Variants in DCBLD2 observed in about 807,000 individuals in gnomAD.
DCBLD2 encodes the protein discoidin, CUB and LCCL domain-containing protein 2.
A neutral mutation model predicts 86.8 loss-of-function variants in DCBLD2; 54 were observed. The observed-to-expected ratio is 0.62, with a 90% CI of 0.50 to 0.78. The LOEUF is 0.78. Among genes scored for constraint, DCBLD2 ranks in the 30% least tolerant of loss-of-function variants. The probability of loss-of-function intolerance (pLI) is 0.00; values close to 1 mark genes in which losing one functional copy is unlikely to be tolerated. For missense variants in DCBLD2, 908 were observed against 954.2 expected (o/e 0.95, Z 0.64); for synonymous variants, 354 against 341.3 (o/e 1.04, Z -0.41).
intron 15 of DCBLD2, 21 bp from the exon 16 acceptor site, chr3:98,799,862 C>G: frequency 6.4e-7 from 1 of 1,562,222 alleles, no homozygotes; most frequent in South Asian, 1.2e-5. Context: ...CACAAAACAA[C>G]AGAAAAGTCA....
At chr3:98,822,895 G>C (rs1257868028) in intron 4 of DCBLD2, among the ~76,000 whole-genome samples, 154 bp from the exon 5 acceptor site, 3 of 151,896 alleles carry the variant, frequency 2.0e-5, no homozygotes, top group African/African-American at 7.3e-5. Context: ...TTTTTGACAC[G>C]GAGTTTCACT....
chr3:98,807,584 T>C (rs528143063), intron 13 of DCBLD2, among the ~76,000 whole-genome samples: 2 of 152,300 alleles, frequency 1.3e-5, no homozygotes, highest in South Asian at 2.1e-4. Flanking sequence ...ACCCAGGTTA[T>C]GGTATTTTCT....
At position 98,799,473 on chromosome 3, in the gene DCBLD2, G is replaced by A. The variant is rs1304387834; in HGVS notation, c.2227C>T (p.Pro743Ser). 6.2e-7 allele frequency: 1 copy of A among 1,614,026 alleles called. No homozygotes were observed. Among genetic ancestry groups the A allele is most frequent in the South Asian group, 1.1e-5 (1 of 91,088 alleles). Residue 743 changes from proline to serine, a missense_variant, in exon 16 of 16, where the codon CCT becomes TCT. Pro to Ser is a moderately conservative substitution (Grantham distance 74). Coordinates refer to ENST00000326840, the MANE Select transcript of DCBLD2 (RefSeq NM_080927.4). ...DTPKAGKPGL[P>S]APDELVYQVP... ...TGGTACACCAATTCGTCTGGGGCAGGTAGACCTGGCTTCCCAGCTTTCGGG... is the reference window on the plus strand; with the variant it reads ...TGGTACACCAATTCGTCTGGGGCAGATAGACCTGGCTTCCCAGCTTTCGGG...
intron 13 of DCBLD2, among the ~76,000 whole-genome samples, chr3:98,806,397 A>G (rs1376552541): frequency 6.6e-6 from 1 of 152,104 alleles, no homozygotes; most frequent in East Asian, 1.9e-4. Context: ...CACTACTATC[A>G]CTGTTGTTGC....
chr3:98,852,641 C>A (rs1942860997), intron 2 of DCBLD2, among the ~76,000 whole-genome samples: 1 of 152,130 alleles, frequency 6.6e-6, no homozygotes, highest in Non-Finnish European at 1.5e-5. Context: ...TCTGGGTAAG[C>A]CTGAACTAAT....
chr3:98,882,276 A>G (rs767728191), intron 1 of DCBLD2, among the ~76,000 whole-genome samples: 1 of 152,252 alleles, frequency 6.6e-6, no homozygotes, highest in Non-Finnish European at 1.5e-5. Flanking sequence ...TTAAATATAC[A>G]TATACATGTT....
intron 2 of DCBLD2, among the ~76,000 whole-genome samples, chr3:98,860,753 C>G (rs183386437): frequency 6.6e-6 from 1 of 152,176 alleles, no homozygotes; most frequent in East Asian, 1.9e-4. Context: ...ACAACCAATA[C>G]CAGCCACTGC....
chr3:98,842,398 C>G (rs1405092852), intron 3 of DCBLD2, among the ~76,000 whole-genome samples: 1 of 152,198 alleles, frequency 6.6e-6, no homozygotes, highest in Admixed American at 6.5e-5. Context: ...TTATAGGAAT[C>G]TGGCATTGAT....
chr3:98,800,863 T>TG, intron 14 of DCBLD2, 147 bp from the exon 15 acceptor site: 1 of 1,128,816 alleles, frequency 8.9e-7, no homozygotes, highest in African/African-American at 1.6e-5. Flanking sequence ...CTTTTTTTTT[T>TG]TTTTTTGCTG....
At chr3:98,851,160 T>C (rs757095483) in intron 2 of DCBLD2, among the ~76,000 whole-genome samples, 16 of 152,202 alleles carry the variant, frequency 1.1e-4, no homozygotes, top group South Asian at 2.1e-4. Context: ...AAATTGTCTT[T>C]GTTTGCAGAT....
At chr3:98,824,101 G>A (rs1942172120) in intron 4 of DCBLD2, among the ~76,000 whole-genome samples, 1 of 152,198 alleles carries the variant, frequency 6.6e-6, no homozygotes, top group South Asian at 2.1e-4. Flanking sequence ...GTTAGTTAGA[G>A]AGAAGACTGG....
intron 1 of DCBLD2, among the ~76,000 whole-genome samples, chr3:98,898,005 A>AT (rs1677309329): frequency 6.6e-6 from 1 of 152,108 alleles, no homozygotes; most frequent in Non-Finnish European, 1.5e-5. Flanking sequence ...CACCAATTTA[A>AT]TTTTTTTGAG....
chr3:98,843,576 AC>A (rs1369257061), intron 3 of DCBLD2, among the ~76,000 whole-genome samples: 1 of 152,160 alleles, frequency 6.6e-6, no homozygotes, highest in Non-Finnish European at 1.5e-5. Context: ...TCATTTGCAA[AC>A]TCATATAATC....
At chr3:98,829,799 G>A (rs541855249) in intron 3 of DCBLD2, among the ~76,000 whole-genome samples, 10 of 152,286 alleles carry the variant, frequency 6.6e-5, no homozygotes, top group African/African-American at 2.4e-4. Context: ...TGGTGGCCCT[G>A]CTTTTAGCAC....
chr3:98,835,540 A>AT (rs1357258992), intron 3 of DCBLD2, among the ~76,000 whole-genome samples: 6 of 139,366 alleles, frequency 4.3e-5, no homozygotes, highest in South Asian at 2.3e-4. Flanking sequence ...TCCGTATGCT[A>AT]TTTTTTTTTC....
chr3:98,878,181 T>A (rs1052654459), intron 2 of DCBLD2, among the ~76,000 whole-genome samples: 1 of 152,216 alleles, frequency 6.6e-6, no homozygotes, highest in Non-Finnish European at 1.5e-5. Flanking sequence ...GTATTGGTTA[T>A]GAAGAGCAGC....
intron 2 of DCBLD2, among the ~76,000 whole-genome samples, chr3:98,851,036 A>G (rs1942826522): frequency 6.6e-6 from 1 of 152,242 alleles, no homozygotes; most frequent in Admixed American, 6.5e-5. Flanking sequence ...AAACCTGCAC[A>G]AGACAAGGAT....
chr3:98,862,335 T>C lies in DCBLD2; in HGVS notation c.434-12737A>G, dbSNP rs138805703. ...TTCTTTCTGAAAGTATTCCAATCAA[T>C]AGAAAAAGAGGGAATCCTCCCTAAC... On this transcript the variant is annotated intron_variant, in intron 2 of 15. Transcript: ENST00000326840. Among the ~76,000 whole-genome samples the C allele has an allele frequency of 2.0e-3, 311 of 152,200 alleles. 1 individual carries two copies. Among genetic ancestry groups the C allele is most frequent in the East Asian group, 0.016 (85 of 5,178 alleles).
chr3:98,876,411 G>GAAAAAAAAAAAAAAAAAAAAAAAA, intron 2 of DCBLD2, among the ~76,000 whole-genome samples: 1 of 2,334 alleles, frequency 4.3e-4, no homozygotes, highest in Non-Finnish European at 8.0e-4. Context: ...GAGATAAAAA[G>GAAAAAAAAAAAAAAAAAAAAAAAA]TAAAAAAAAA....
Sources: gnomAD v4.1 joint callset for allele counts (sites outside exome capture counted in the v4.1 genomes callset) on GRCh38, gnomAD v4.1.1 for gene constraint, MANE v1.5 for transcripts, NCBI Gene and HGNC (gene_info 2026-07-23, HGNC 2026-07-21) for gene names.